ADAMTSL1: variants seen among roughly 807,000 people sequenced by gnomAD.
ADAMTSL1 encodes the protein ADAMTS-like protein 1.
In ADAMTSL1, 126 loss-of-function variants were observed where a neutral mutation model predicts 201.8. That is an observed-to-expected ratio of 0.62 (90% CI 0.54 to 0.72). The LOEUF (loss-of-function observed/expected upper bound fraction) is 0.72. Ranked by LOEUF, ADAMTSL1 falls within the 30% of genes least tolerant of loss-of-function variation. ADAMTSL1 has a pLI of 0.00. For missense variants in ADAMTSL1, 2,679 were observed against 2,277.8 expected, an observed-to-expected ratio of 1.18 and a Z score of -3.59; for synonymous variants, 1,121 against 903.4, an observed-to-expected ratio of 1.24 and a Z score of -4.32.
intron 1 of ADAMTSL1, among the ~76,000 whole-genome samples, chr9:18,115,653 C>A (rs928753186): frequency 6.6e-6 from 1 of 152,078 alleles, no homozygotes; most frequent in Non-Finnish European, 1.5e-5. Flanking sequence ...TTCCTGACAA[C>A]CCTCATGAAA....
intron 4 of ADAMTSL1, among the ~76,000 whole-genome samples, chr9:18,593,243 C>T (rs910486234): frequency 6.6e-6 from 1 of 152,104 alleles, no homozygotes; most frequent in African/African-American, 2.4e-5. Context: ...CTAGGACTTC[C>T]AGTAGTATGT....
chr9:18,607,986 A>T (rs573287293), intron 4 of ADAMTSL1, among the ~76,000 whole-genome samples: 1 of 152,204 alleles, frequency 6.6e-6, no homozygotes, highest in Admixed American at 6.5e-5. Context: ...ATTGTCGGAC[A>T]TAAACCACTT....
intron 2 of ADAMTSL1, among the ~76,000 whole-genome samples, chr9:18,204,259 T>C (rs1165006536): frequency 6.6e-6 from 1 of 152,102 alleles, no homozygotes; most frequent in African/African-American, 2.4e-5. Context: ...TGGGGGTGGT[T>C]TCCCTCATGC....
At chr9:18,820,300 G>C (rs138856225) in intron 21 of ADAMTSL1, among the ~76,000 whole-genome samples, 71 of 152,280 alleles carry the variant, frequency 4.7e-4, no homozygotes, top group Non-Finnish European at 7.1e-4. Context: ...CTCACAGTCT[G>C]GGAAGGAGAA....
intron 2 of ADAMTSL1, among the ~76,000 whole-genome samples, chr9:18,425,893 C>T (rs1024091445): frequency 1.4e-5 from 2 of 146,156 alleles, no homozygotes; most frequent in African/African-American, 5.0e-5. Flanking sequence ...TGTATAGATT[C>T]GGAAAGTGAG....
chr9:18,099,636 CT>C (rs35621900), intron 1 of ADAMTSL1, among the ~76,000 whole-genome samples: 2,278 of 133,962 alleles, frequency 0.017, 57 homozygotes, highest in African/African-American at 0.054. Flanking sequence ...CTCTCTCTCC[CT>C]TTTTTTTTTT....
intron 4 of ADAMTSL1, among the ~76,000 whole-genome samples, chr9:18,596,565 G>A (rs747019989): frequency 1.5e-4 from 23 of 152,106 alleles, no homozygotes; most frequent in Non-Finnish European, 2.8e-4. Flanking sequence ...GTAAGACACC[G>A]TGCTATGTAA....
chr9:18,501,916 C>T (rs1325919015), intron 1 of ADAMTSL1, among the ~76,000 whole-genome samples: 1 of 152,162 alleles, frequency 6.6e-6, no homozygotes, highest in African/African-American at 2.4e-5. Flanking sequence ...AGATAAGATG[C>T]TTAGCAGTGA....
At chr9:18,217,145 A>G (rs1830084296) in intron 2 of ADAMTSL1, among the ~76,000 whole-genome samples, 1 of 152,178 alleles carries the variant, frequency 6.6e-6, no homozygotes, top group South Asian at 2.1e-4. Flanking sequence ...ATCTCTCTAG[A>G]GAAGCATTTT....
At chr9:18,480,033 T>C (rs574804131) in intron 1 of ADAMTSL1, among the ~76,000 whole-genome samples, 1 of 152,356 alleles carries the variant, frequency 6.6e-6, no homozygotes, top group African/African-American at 2.4e-5. Context: ...ATGAATCATT[T>C]TGGATGTTTC....
At chr9:18,045,455 GA>G (rs538437708) in intron 1 of ADAMTSL1, among the ~76,000 whole-genome samples, 14 of 152,078 alleles carry the variant, frequency 9.2e-5, no homozygotes, top group African/African-American at 2.9e-4. Context: ...TAGCAAGAAA[GA>G]AAAAAATCTG....
intron 23 of ADAMTSL1, among the ~76,000 whole-genome samples, chr9:18,881,848 T>C (rs528258185): frequency 6.6e-6 from 1 of 152,266 alleles, no homozygotes; most frequent in African/African-American, 2.4e-5. Flanking sequence ...GAACTCCACA[T>C]CCATGGCAGG....
chr9:18,671,507 C>A (rs1829808874), intron 9 of ADAMTSL1, among the ~76,000 whole-genome samples: 1 of 152,158 alleles, frequency 6.6e-6, no homozygotes, highest in African/African-American at 2.4e-5. Flanking sequence ...TGAAGGTAGC[C>A]CCAGTGTACA....
Position 18,680,386 on chromosome 9 carries a change from T to C in ADAMTSL1, c.1211T>C (p.Val404Ala). 2 of 1,614,140 alleles carry C rather than the reference T, an allele frequency of 1.2e-6. No individual in the cohort carries two copies. Among genetic ancestry groups the C allele is most frequent in the East Asian group, 2.2e-5 (1 of 44,874 alleles). ...ATCCAGAGCCGGGCAGTTTCCTGTG[T>C]GGAGGAGGACATCCAGGGGCATGTC... ...GGIQSRAVSC[V>A]EEDIQGHVTS... Residue 404 changes from valine to alanine, a missense_variant, in exon 11 of 29, where the codon GTG becomes GCG. Val to Ala is a moderately conservative substitution (Grantham distance 64). Coordinates refer to ENST00000380548, the MANE Select transcript of ADAMTSL1 (RefSeq NM_001040272.6).
Position 18,575,981 on chromosome 9 carries a change from TGAAA to T in ADAMTSL1, c.474+1718_474+1721del, listed in dbSNP as rs1366262864. Among the ~76,000 whole-genome samples, 33 of 152,300 alleles carry T rather than the reference TGAAA, an allele frequency of 2.2e-4. No homozygotes were observed. In the East Asian group the frequency reaches 6.2e-3, roughly 28 times the overall value. ...GCAGGCCTCATGGTACCTTAGCAAC[TGAAA>T]GAGAATCCTATCTCAGTTGCTAAGG... On this transcript the variant is annotated intron_variant, in intron 4 of 28. Coordinates refer to ENST00000380548, the MANE Select transcript of ADAMTSL1 (RefSeq NM_001040272.6).
chr9:18,776,178 T>C (rs1193306919), intron 18 of ADAMTSL1, among the ~76,000 whole-genome samples: 1 of 152,138 alleles, frequency 6.6e-6, no homozygotes, highest in East Asian at 1.9e-4. Flanking sequence ...GGAGGCAGTG[T>C]ATTACTAATG....
At chr9:18,047,656 T>A (rs950747667) in intron 1 of ADAMTSL1, among the ~76,000 whole-genome samples, 2 of 152,142 alleles carry the variant, frequency 1.3e-5, no homozygotes, top group Non-Finnish European at 2.9e-5. Context: ...CTCATCGTTT[T>A]AGAACCTGTA....
At chr9:18,406,902 T>G (rs1442680905) in intron 2 of ADAMTSL1, among the ~76,000 whole-genome samples, 1 of 152,190 alleles carries the variant, frequency 6.6e-6, no homozygotes, top group Non-Finnish European at 1.5e-5. Context: ...GTCATAATAA[T>G]AATATCTGCT....
At chr9:18,402,881 A>G (rs1196988592) in intron 2 of ADAMTSL1, among the ~76,000 whole-genome samples, 1 of 152,172 alleles carries the variant, frequency 6.6e-6, no homozygotes, top group South Asian at 2.1e-4. Flanking sequence ...TGCTATTGCC[A>G]GTATTCATCA....
Sources: allele counts gnomAD v4.1 joint callset (sites outside exome capture counted in the v4.1 genomes callset), GRCh38; gene constraint gnomAD v4.1.1; transcripts MANE v1.5; gene names NCBI Gene and HGNC (gene_info 2026-07-23, HGNC 2026-07-21).